Variants in KCTD8 observed in about 807,000 individuals in gnomAD.
KCTD8 encodes the protein BTB/POZ domain-containing protein KCTD8.
In KCTD8, 27 loss-of-function variants were observed where a neutral mutation model predicts 31.5. The ratio of observed to expected loss-of-function variants is 0.86; its 90% CI spans 0.63 to 1.18. KCTD8 has a LOEUF of 1.18. KCTD8 is among the 50% of genes most tolerant of loss of function. KCTD8 has a pLI of 0.00. For synonymous variants in KCTD8, 290 were observed against 280.0 expected (o/e 1.04, Z -0.36); for missense variants, 658 against 647.7 (o/e 1.02, Z -0.17).
chr4:44,380,148 A>C (rs1478605662), intron 1 of KCTD8, among the ~76,000 whole-genome samples: 1 of 151,866 alleles, frequency 6.6e-6, no homozygotes, highest in Non-Finnish European at 1.5e-5. Context: ...CCCTAGGCAA[A>C]CTGCAGAGAA....
intron 1 of KCTD8, among the ~76,000 whole-genome samples, chr4:44,422,003 C>T (rs1721223770): frequency 6.6e-6 from 1 of 152,016 alleles, no homozygotes; most frequent in Non-Finnish European, 1.5e-5. Context: ...AAATACATGC[C>T]ATTCCTTCTT....
At chr4:44,178,946 G>T (rs763942583) in intron 1 of KCTD8, among the ~76,000 whole-genome samples, 9 of 152,172 alleles carry the variant, frequency 5.9e-5, no homozygotes, top group Non-Finnish European at 1.2e-4. Context: ...CATAGTGCTA[G>T]GTTCTGGAGG....
At chr4:44,413,993 A>G (rs890079813) in intron 1 of KCTD8, among the ~76,000 whole-genome samples, 1 of 152,190 alleles carries the variant, frequency 6.6e-6, no homozygotes, top group Non-Finnish European at 1.5e-5. Context: ...ATGCTGAAAA[A>G]GACTAGAAAA....
At chr4:44,381,672 T>A (rs1720069891) in intron 1 of KCTD8, among the ~76,000 whole-genome samples, 1 of 152,002 alleles carries the variant, frequency 6.6e-6, no homozygotes, top group Admixed American at 6.6e-5. Context: ...TAGAGGCAGA[T>A]CCCTCATGAA....
rs77372455 is a variant in KCTD8, at chr4:44,354,541, C to A, written c.961+93022G>T. 4.2e-3 allele frequency among the ~76,000 whole-genome samples: 633 copies of A among 152,222 alleles called. 3 individuals are homozygous for A. Among genetic ancestry groups the A allele is most frequent in the Non-Finnish European group, 7.1e-3 (482 of 67,990 alleles). On this transcript the variant is annotated intron_variant, in intron 1 of 1. Coordinates refer to ENST00000360029, the MANE Select transcript of KCTD8 (RefSeq NM_198353.3). ...TTTTTAATGAAGCCTAAAGGAGATG[C>A]AACCTCCTCTTCCTGGATCATTTAA...
At chr4:44,367,237 C>A (rs1719663750) in intron 1 of KCTD8, among the ~76,000 whole-genome samples, 1 of 152,140 alleles carries the variant, frequency 6.6e-6, no homozygotes, top group South Asian at 2.1e-4. Flanking sequence ...TAGTAGAAAT[C>A]CCCCATTACG....
At chr4:44,381,414 TATA>T (rs1720061575) in intron 1 of KCTD8, among the ~76,000 whole-genome samples, 1 of 151,912 alleles carries the variant, frequency 6.6e-6, no homozygotes, top group African/African-American at 2.4e-5. Flanking sequence ...TAGCATCAAA[TATA>T]ATAAAATGCT....
At position 44,255,138 on chromosome 4, in the gene KCTD8, G is replaced by A. The variant is rs553765883; in HGVS notation, c.962-79888C>T. Among the ~76,000 whole-genome samples, 12 of 151,940 alleles carry A rather than the reference G, an allele frequency of 7.9e-5. No individual in the cohort carries two copies. In the East Asian group the frequency reaches 9.7e-4, roughly 12 times the overall value. On this transcript the variant is annotated intron_variant, in intron 1 of 1. Coordinates refer to ENST00000360029, the MANE Select transcript of KCTD8 (RefSeq NM_198353.3). ...GTGCACCCTGCCTATGATGATAAAC[G>A]TCTTTTTTTCAAAACCATCCCTTCA... is the stretch of plus-strand genomic sequence containing the variant.
intron 1 of KCTD8, among the ~76,000 whole-genome samples, chr4:44,199,847 A>T (rs538882598): frequency 1.5e-4 from 23 of 152,146 alleles, no homozygotes; most frequent in African/African-American, 5.5e-4. Flanking sequence ...ACCATACAAA[A>T]GATCAATGAA....
intron 1 of KCTD8, among the ~76,000 whole-genome samples, chr4:44,201,200 G>A (rs747538977): frequency 6.6e-6 from 1 of 151,948 alleles, no homozygotes; most frequent in Non-Finnish European, 1.5e-5. Context: ...TTATGGATTT[G>A]AAGAAACAAT....
intron 1 of KCTD8, among the ~76,000 whole-genome samples, chr4:44,223,900 G>C (rs1158912899): frequency 6.6e-6 from 1 of 152,172 alleles, no homozygotes; most frequent in East Asian, 1.9e-4. Context: ...AGGCAGAGTT[G>C]AGAAGTTGCA....
chr4:44,342,919 A>T (rs1018022813), intron 1 of KCTD8, among the ~76,000 whole-genome samples: 1 of 152,224 alleles, frequency 6.6e-6, no homozygotes, highest in African/African-American at 2.4e-5. Flanking sequence ...AACTGAACTA[A>T]ATAAGGGCCT....
chr4:44,316,821 A>G (rs1237416960), intron 1 of KCTD8, among the ~76,000 whole-genome samples: 68 of 145,932 alleles, frequency 4.7e-4, no homozygotes, highest in African/African-American at 1.5e-3. Flanking sequence ...AAAAAAAAAA[A>G]AAGAAGATAA....
chr4:44,191,172 T>C (rs1353808102), intron 1 of KCTD8, among the ~76,000 whole-genome samples: 1 of 152,198 alleles, frequency 6.6e-6, no homozygotes, highest in African/African-American at 2.4e-5. Context: ...ATTGTGAAGA[T>C]TTCATGGAAA....
chr4:44,188,950 T>C (rs541120027), intron 1 of KCTD8, among the ~76,000 whole-genome samples: 13 of 152,178 alleles, frequency 8.5e-5, no homozygotes, highest in Non-Finnish European at 1.8e-4. Context: ...ACCAAGCTTA[T>C]GGCAATTTGT....
At chr4:44,191,244 A>T (rs1205951254) in intron 1 of KCTD8, among the ~76,000 whole-genome samples, 3 of 152,138 alleles carry the variant, frequency 2.0e-5, no homozygotes, top group Non-Finnish European at 2.9e-5. Flanking sequence ...TAATCTCTTA[A>T]TCCTGTTATC....
At chr4:44,320,600 C>T (rs368781429) in intron 1 of KCTD8, among the ~76,000 whole-genome samples, 74 of 152,174 alleles carry the variant, frequency 4.9e-4, no homozygotes, top group East Asian at 1.9e-3. Context: ...CCAAATAAAG[C>T]ATTTTTATTT....
At chr4:44,325,505 T>G (rs953037972) in intron 1 of KCTD8, among the ~76,000 whole-genome samples, 2 of 151,916 alleles carry the variant, frequency 1.3e-5, no homozygotes, top group Non-Finnish European at 1.5e-5. Flanking sequence ...ACTGGATTGT[T>G]TGTAACTGAA....
intron 1 of KCTD8, among the ~76,000 whole-genome samples, chr4:44,420,639 G>A (rs938307420): frequency 1.3e-5 from 2 of 152,238 alleles, no homozygotes; most frequent in South Asian, 4.1e-4. Context: ...AGAGAGTGAC[G>A]TCCCTAGGAG....
Sources: gnomAD v4.1 joint callset for allele counts (sites outside exome capture counted in the v4.1 genomes callset) on GRCh38, gnomAD v4.1.1 for gene constraint, MANE v1.5 for transcripts, NCBI Gene and HGNC (gene_info 2026-07-23, HGNC 2026-07-21) for gene names.